The following ITGA8 variants were observed in gnomAD, a reference collection of about 807,000 sequenced individuals.
ITGA8 encodes integrin subunit alpha 8, also known as integrin alpha-8.
ITGA8 carries 91 observed loss-of-function variants against 142.3 expected under a neutral mutation model. The observed-to-expected ratio is 0.64, with a 90% confidence interval of 0.54 to 0.76. ITGA8 has a LOEUF of 0.76. ITGA8 is among the 30% of genes least tolerant of loss of function. ITGA8 has a pLI of 0.00. For synonymous variants in ITGA8, 505 were observed against 485.2 expected, an observed-to-expected ratio of 1.04 and a Z score of -0.54; for missense variants, 1,406 against 1,327.7, an observed-to-expected ratio of 1.06 and a Z score of -0.92.
intron 26 of ITGA8, among the ~76,000 whole-genome samples, chr10:15,549,438 T>C (rs902646899): frequency 6.6e-6 from 1 of 152,130 alleles, no homozygotes; most frequent in African/African-American, 2.4e-5. Context: ...CTCGCACTCC[T>C]GACCTCAGGT....
chr10:15,605,510 C>T (rs1043890889), intron 19 of ITGA8, among the ~76,000 whole-genome samples: 1 of 152,038 alleles, frequency 6.6e-6, no homozygotes, highest in African/African-American at 2.4e-5. Context: ...AAAGATGAAA[C>T]GACCCAGGCA....
At chr10:15,684,407 C>G (rs1360733057) in intron 3 of ITGA8, among the ~76,000 whole-genome samples, 1 of 151,608 alleles carries the variant, frequency 6.6e-6, no homozygotes, top group African/African-American at 2.4e-5. Flanking sequence ...TGCTCTGTCA[C>G]CCAGGCTGGA....
chr10:15,572,521 G>T, intron 24 of ITGA8, 152 bp from the exon 25 acceptor site: 1 of 650,452 alleles, frequency 1.5e-6, no homozygotes. Flanking sequence ...ATTCAAAGTC[G>T]ATATGGCAAG....
intron 23 of ITGA8, among the ~76,000 whole-genome samples, chr10:15,578,085 A>G (rs1007210360): frequency 6.6e-6 from 1 of 152,176 alleles, no homozygotes; most frequent in Non-Finnish European, 1.5e-5. Context: ...GATATTGTAT[A>G]TAATATCAAA....
chr10:15,621,217 T>A (rs958848481), intron 13 of ITGA8, among the ~76,000 whole-genome samples: 1 of 152,152 alleles, frequency 6.6e-6, no homozygotes, highest in Non-Finnish European at 1.5e-5. Flanking sequence ...AAATTGGGTC[T>A]TTCCTTTCAA....
chr10:15,544,455 T>TTGAGAGAATAAATTTC (rs1242612995), intron 27 of ITGA8, among the ~76,000 whole-genome samples: 1 of 152,162 alleles, frequency 6.6e-6, no homozygotes, highest in East Asian at 1.9e-4. Flanking sequence ...GTTTTGGACT[T>TTGAGAGAATAAATTTC]TGAGAGAATA....
intron 21 of ITGA8, among the ~76,000 whole-genome samples, chr10:15,593,452 GA>G (rs1313884540): frequency 6.6e-6 from 1 of 152,166 alleles, no homozygotes; most frequent in African/African-American, 2.4e-5. Flanking sequence ...GAGGATTAGA[GA>G]GATGAAGTAC....
At chr10:15,535,464 C>CT (rs1419690254) in intron 27 of ITGA8, among the ~76,000 whole-genome samples, 5 of 152,308 alleles carry the variant, frequency 3.3e-5, no homozygotes, top group Admixed American at 3.3e-4. Flanking sequence ...CCAATCGGCA[C>CT]TGTGTATGTA....
intron 2 of ITGA8, among the ~76,000 whole-genome samples, chr10:15,691,963 G>T (rs111957957): frequency 8.1e-4 from 123 of 152,082 alleles, no homozygotes; most frequent in African/African-American, 2.7e-3. Flanking sequence ...TTGAGACAGG[G>T]TCTCACTCTG....
chr10:15,665,607 ATGGTAT>A (rs1390176622), intron 8 of ITGA8, among the ~76,000 whole-genome samples: 1 of 152,070 alleles, frequency 6.6e-6, no homozygotes, highest in Admixed American at 6.6e-5. Context: ...TATGTCCTGG[ATGGTAT>A]TGCCTAGGTT....
chr10:15,590,849 G>A (rs955723097), intron 22 of ITGA8, among the ~76,000 whole-genome samples: 2 of 152,126 alleles, frequency 1.3e-5, no homozygotes, highest in African/African-American at 4.8e-5. Context: ...AAATTCAGCA[G>A]AAAATGTCTA....
rs184543872 is a variant in ITGA8 at position 15,712,637 on chromosome 10, A to C, written c.343+6129T>G. Among the ~76,000 whole-genome samples, 12 of 152,212 alleles carry C rather than the reference A, an allele frequency of 7.9e-5. No homozygotes were observed. The South Asian group carries it at 2.3e-3, about 29-fold the overall frequency. ...AATAAAATAAAAAATAAAAAAGTCC[A>C]TGTTCATGTACTGTCATGGTATCCA... On this transcript the variant is annotated intron_variant, in intron 2 of 29. Transcript: ENST00000378076.
intron 11 of ITGA8, among the ~76,000 whole-genome samples, chr10:15,647,514 C>G (rs953091689): frequency 3.8e-5 from 5 of 132,960 alleles, no homozygotes; most frequent in African/African-American, 1.4e-4. Flanking sequence ...GGACTGCGGA[C>G]TGCAGTGGCG....
chr10:15,585,762 CT>C (rs1457768759), intron 23 of ITGA8, among the ~76,000 whole-genome samples: 2 of 152,136 alleles, frequency 1.3e-5, no homozygotes, highest in African/African-American at 4.8e-5. Context: ...TTCCTTGACC[CT>C]TTTCCCCCGT....
intron 13 of ITGA8, among the ~76,000 whole-genome samples, chr10:15,642,749 G>A (rs994328064): frequency 6.6e-6 from 1 of 152,104 alleles, no homozygotes; most frequent in Non-Finnish European, 1.5e-5. Flanking sequence ...GTCATAAAAG[G>A]TTTATGGCAA....
At chr10:15,589,633 A>G (rs1014882241) in intron 22 of ITGA8, among the ~76,000 whole-genome samples, 11 of 152,206 alleles carry the variant, frequency 7.2e-5, no homozygotes, top group African/African-American at 2.4e-4. Flanking sequence ...ACACATTTAA[A>G]CCAAATGCAA....
At chr10:15,658,040 A>G (rs1834219118) in intron 10 of ITGA8, among the ~76,000 whole-genome samples, 1 of 152,230 alleles carries the variant, frequency 6.6e-6, no homozygotes, top group South Asian at 2.1e-4. Flanking sequence ...GGCAGGAGAC[A>G]GGAAATGGGA....
At chr10:15,542,175 A>C (rs1335652398) in intron 27 of ITGA8, among the ~76,000 whole-genome samples, 1 of 152,228 alleles carries the variant, frequency 6.6e-6, no homozygotes, top group Non-Finnish European at 1.5e-5. Context: ...CAGGTCTATA[A>C]TCATAGATAC....
chr10:15,663,513 A>T (rs1834328600), intron 8 of ITGA8, among the ~76,000 whole-genome samples: 1 of 151,958 alleles, frequency 6.6e-6, no homozygotes, highest in Admixed American at 6.6e-5. Flanking sequence ...ACTCTTGTGC[A>T]TCATTATTTA....
Sources: allele counts gnomAD v4.1 joint callset (sites outside exome capture counted in the v4.1 genomes callset), GRCh38; gene constraint gnomAD v4.1.1; transcripts MANE v1.5; gene names NCBI Gene and HGNC (gene_info 2026-07-23, HGNC 2026-07-21).